Variants in GGT7 observed in about 807,000 individuals in gnomAD.
The protein encoded by GGT7 is glutathione hydrolase 7.
GGT7 carries 30 observed loss-of-function variants against 69.2 expected under a neutral mutation model. The ratio of observed to expected loss-of-function variants is 0.43; its 90% CI spans 0.32 to 0.59. The LOEUF is 0.59. GGT7 is among the 20% of genes least tolerant of loss of function. The pLI is 0.05. For missense variants in GGT7, 733 were observed against 901.1 expected (o/e 0.81, Z 2.39); for synonymous variants, 388 against 391.8 (o/e 0.99, Z 0.12).
chr20:34,846,051 C>A (rs1056997449), intron 14 of GGT7, among the ~76,000 whole-genome samples: 6 of 136,492 alleles, frequency 4.4e-5, no homozygotes, highest in Non-Finnish European at 9.5e-5. Context: ...GGCAAAAGAG[C>A]AAAACCCTGT....
chr20:34,854,040 G>C (rs938510342), intron 10 of GGT7, among the ~76,000 whole-genome samples: 2 of 152,186 alleles, frequency 1.3e-5, no homozygotes, highest in African/African-American at 4.8e-5. Context: ...GGGTTCAAGT[G>C]ATTCTCCTGC....
In GGT7 at chr20:34,852,385, A is replaced by G; in HGVS notation, c.1469+4T>C. ...TTCCAGGTTCTGAGTCTGAGCTGGC[A>G]TACCTAACCATGGCCACAATGAAGT... On this transcript the variant is annotated splice_donor_region_variant and intron_variant, in intron 11 of 14. Coordinates refer to ENST00000336431, the MANE Select transcript of GGT7 (RefSeq NM_178026.3). 6.2e-7 allele frequency: 1 copy of G among 1,614,006 alleles called. No homozygotes were observed. The highest frequency in any genetic ancestry group is 8.5e-7 in the Non-Finnish European group (1 of 1,179,980).
Position 34,863,694 on chromosome 20 carries a change from G to C in GGT7, c.170-146C>G, listed in dbSNP as rs1220761566. The C allele has an allele frequency of 1.1e-5, 8 of 733,544 alleles. No individual in the cohort carries two copies. The East Asian group carries it at 2.1e-4, about 20-fold the overall frequency. The allele number at this position is 733,544 out of a possible 1,614,324, so 45.4% of individuals were successfully genotyped here. A position where few individuals can be genotyped will look rare whatever the true frequency, so the allele number is the denominator to read the frequency against. On this transcript the variant is annotated intron_variant, in intron 1 of 14. Transcript: ENST00000336431. This position sits in a 1 kb window ranked among gnomAD's most constrained non-coding sequence, Gnocchi z 4.4. The stretch of plus-strand genomic sequence containing the variant: ...GCACTACTCACCTTTCCTCATTTTC[G>C]CGTGCACCCCAGGACAGGCGGGGCA...
At chr20:34,869,564 G>A (rs78449612) in intron 1 of GGT7, among the ~76,000 whole-genome samples, 9,034 of 152,208 alleles carry the variant, frequency 0.059, 310 homozygotes, top group East Asian at 0.078. Flanking sequence ...GAGGCAGGAG[G>A]AGTAGCTAGA....
In GGT7 at chr20:34,863,261, A is replaced by ACCCCACT. The variant is rs1206361543; in HGVS notation, c.405+45_405+51dup. ...CAGTTTCCACAGTTCCTCAAACATT[A>ACCCCACT]CCCCACTCCCCACTCCCCAGTTTCC... On this transcript the variant is annotated intron_variant, in intron 2 of 14. Coordinates refer to ENST00000336431, the MANE Select transcript of GGT7 (RefSeq NM_178026.3). This position sits in a 1 kb window ranked among gnomAD's most constrained non-coding sequence, Gnocchi z 4.4. 7 of 1,299,102 alleles carry ACCCCACT rather than the reference A, an allele frequency of 5.4e-6. No homozygotes were observed. The highest frequency in any genetic ancestry group is 4.4e-5 in the African/African-American group (3 of 68,086). 80.5% of individuals were successfully genotyped at this position (1,299,102 alleles called of 1,614,324 possible). A position where few individuals can be genotyped will look rare whatever the true frequency, so the allele number is the denominator to read the frequency against.
At position 34,863,348 on chromosome 20, in the gene GGT7, C is replaced by T. The variant is rs373598571; in HGVS notation, c.370G>A (p.Ala124Thr). The change falls in exon 2 of 15, where the codon GCG becomes ACG. Residue 124 changes from alanine (A) to threonine (T), a missense_variant. Coordinates refer to ENST00000336431, the MANE Select transcript of GGT7 (RefSeq NM_178026.3). The surrounding 1 kb of genome is among the most constrained non-coding windows in gnomAD (Gnocchi z 4.4). Reference protein sequence around the residue: ...CLTFATGVTVALVMQIYFGDP... With the variant: ...CLTFATGVTVTLVMQIYFGDP... Reference sequence around the variant, plus strand: ...CCGAAGTAGATCTGCATGACCAGCGCCACGGTGACACCGGTAGCGAAGGTG... The same window carrying T: ...CCGAAGTAGATCTGCATGACCAGCGTCACGGTGACACCGGTAGCGAAGGTG... 1 of 1,613,978 alleles carries T rather than the reference C, an allele frequency of 6.2e-7. No individual in the cohort carries two copies. Among genetic ancestry groups the T allele is most frequent in the Non-Finnish European group, 8.5e-7 (1 of 1,179,936 alleles).
Position 34,863,803 on chromosome 20 carries a change from C to A in GGT7, c.170-255G>T. On this transcript the variant is annotated intron_variant, in intron 1 of 14. Transcript: ENST00000336431. The surrounding 1 kb of genome is among the most constrained non-coding windows in gnomAD (Gnocchi z 4.4). ...TTCCCGCCCCTCCCTGATACCTAGG[C>A]CAAATTTCCTGGCACCCAGGGCCCA... is the stretch of plus-strand genomic sequence containing the variant. 1.5e-6 allele frequency: 1 copy of A among 689,438 alleles called. No homozygotes were observed. 42.7% of individuals were successfully genotyped at this position (689,438 alleles called of 1,614,324 possible). A position where few individuals can be genotyped will look rare whatever the true frequency, so the allele number is the denominator to read the frequency against.
At chr20:34,858,340 C>G (rs2079529189) in intron 7 of GGT7, among the ~76,000 whole-genome samples, 1 of 152,172 alleles carries the variant, frequency 6.6e-6, no homozygotes, top group African/African-American at 2.4e-5. Flanking sequence ...GATTGATAAT[C>G]TGGACACAGA....
At chr20:34,860,439 C>A in intron 4 of GGT7, 118 bp from the exon 5 acceptor site, 1 of 768,646 alleles carries the variant, frequency 1.3e-6, no homozygotes, top group Non-Finnish European at 2.3e-6. Flanking sequence ...AGACACAGGC[C>A]AAGTATCCCA....
rs763908318 is a variant in GGT7, at chr20:34,845,321, C to T, written c.*7G>A. On this transcript the variant is annotated 3_prime_UTR_variant, in exon 15 of 15. Transcript: ENST00000336431. ...GGGGAGCAGAGACCCCGCCCCACCC[C>T]GCTGCTCTACAGGATGGTGGCTCCA... 6.2e-6 allele frequency: 10 copies of T among 1,610,742 alleles called. No homozygotes were observed. The highest frequency in any genetic ancestry group is 4.0e-5 in the African/African-American group (3 of 74,896).
intron 14 of GGT7, among the ~76,000 whole-genome samples, chr20:34,845,711 G>A (rs574847840): frequency 6.6e-6 from 1 of 152,238 alleles, no homozygotes; most frequent in South Asian, 2.1e-4. Flanking sequence ...TGCACACACA[G>A]CACTGAACCT....
intron 14 of GGT7, among the ~76,000 whole-genome samples, chr20:34,849,353 G>C (rs1439351764): frequency 6.6e-6 from 1 of 151,052 alleles, no homozygotes; most frequent in Non-Finnish European, 1.5e-5. Context: ...TATAGAGACG[G>C]GGGGGTGGAG....
At chr20:34,856,094 A>G (rs1244664187) in intron 8 of GGT7, among the ~76,000 whole-genome samples, 2 of 152,156 alleles carry the variant, frequency 1.3e-5, no homozygotes, top group Non-Finnish European at 2.9e-5. Context: ...CACCCAGCTG[A>G]TAGGCTCTTT....
intron 4 of GGT7, 93 bp from the exon 5 acceptor site, chr20:34,860,414 G>A: frequency 1.0e-6 from 1 of 960,296 alleles, no homozygotes; most frequent in Non-Finnish European, 1.7e-6. Context: ...GCCAGGGATG[G>A]CTGGCACAGG....
rs1476605079 is a variant in GGT7, at chr20:34,863,656, C to T, written c.170-108G>A. ...CCTGCCCCGCCCCTGCCACACAATCCCCGCACTGGCTAGCACTACTCACCT... is the reference window on the plus strand; with the variant it reads ...CCTGCCCCGCCCCTGCCACACAATCTCCGCACTGGCTAGCACTACTCACCT... On this transcript the variant is annotated intron_variant, in intron 1 of 14. Coordinates refer to ENST00000336431, the MANE Select transcript of GGT7 (RefSeq NM_178026.3). This position sits in a 1 kb window ranked among gnomAD's most constrained non-coding sequence, Gnocchi z 4.4. 1 of 782,780 alleles carries T rather than the reference C, an allele frequency of 1.3e-6. No homozygotes were observed. Among genetic ancestry groups the T allele is most frequent in the East Asian group, 2.7e-5 (1 of 37,550 alleles). The allele number at this position is 782,780 out of a possible 1,614,324, so 48.5% of individuals were successfully genotyped here.
In GGT7 at chr20:34,863,395, G is replaced by A. The variant is rs1568941335; in HGVS notation, c.323C>T (p.Thr108Met). The change falls in exon 2 of 15, where the codon ACG becomes ATG. Residue 108 changes from threonine to methionine, a missense_variant. Physicochemically the swap from Thr to Met is moderately conservative, Grantham distance 81. Coordinates refer to ENST00000336431, the MANE Select transcript of GGT7 (RefSeq NM_178026.3). The surrounding 1 kb of genome is among the most constrained non-coding windows in gnomAD (Gnocchi z 4.4). ...AECSCRQDGL[T>M]VIVTACLTFA... The stretch of plus-strand genomic sequence containing the variant: ...GGTGAGACAGGCCGTGACGATGACC[G>A]TGAGCCCATCCTGGCGGCAGGAGCA... The A allele has an allele frequency of 1.2e-6, 2 of 1,613,982 alleles. No homozygotes were observed. The highest frequency in any genetic ancestry group is 1.3e-5 in the African/African-American group (1 of 75,050).
chr20:34,861,811 C>T (rs1286933713), intron 3 of GGT7, among the ~76,000 whole-genome samples: 3 of 152,056 alleles, frequency 2.0e-5, no homozygotes, highest in Non-Finnish European at 4.4e-5. Flanking sequence ...GACTTTAATC[C>T]CTGATTAGGA....
At chr20:34,847,986 G>A (rs111724268) in intron 14 of GGT7, among the ~76,000 whole-genome samples, 9,088 of 152,170 alleles carry the variant, frequency 0.06, 304 homozygotes, top group East Asian at 0.079. Context: ...TCAGCTACTC[G>A]GGAGGCTGAG....
Position 34,845,150 on chromosome 20 carries a change from A to ACCACCC in GGT7, c.*177_*178insGGGTGG, listed in dbSNP as rs2079281077. On this transcript the variant is annotated 3_prime_UTR_variant, in exon 15 of 15. Coordinates refer to ENST00000336431, the MANE Select transcript of GGT7 (RefSeq NM_178026.3). ...CACCACCACCACCACCACCACCACC[A>ACCACCC]CCACAGGCCTCCTGATGGAGAATTT... The ACCACCC allele has an allele frequency of 1.0e-5, 3 of 300,128 alleles. No homozygotes were observed. The highest frequency in any genetic ancestry group is 2.8e-5 in the South Asian group (1 of 35,862). The allele number at this position is 300,128 out of a possible 1,614,324, so 18.6% of individuals were successfully genotyped here. A position where few individuals can be genotyped will look rare whatever the true frequency, so the allele number is the denominator to read the frequency against.
Sources: allele counts gnomAD v4.1 joint callset (sites outside exome capture counted in the v4.1 genomes callset), GRCh38; gene constraint gnomAD v4.1.1; non-coding constraint Gnocchi (gnomAD v3.1); transcripts MANE v1.5; gene names NCBI Gene and HGNC (gene_info 2026-07-23, HGNC 2026-07-21).